The following STIM2 variants were observed in gnomAD, a reference collection of about 807,000 sequenced individuals.
The protein encoded by STIM2 is stromal interaction molecule 2.
Under a neutral mutation model 85.8 loss-of-function variants are expected in STIM2, and 31 were observed. That is an observed-to-expected ratio of 0.36 (90% CI 0.27 to 0.49). STIM2 has a LOEUF of 0.49. STIM2 is among the 20% of genes least tolerant of loss of function. The pLI is 0.98. For missense variants in STIM2, 841 were observed against 927.6 expected (o/e 0.91, Z 1.21); for synonymous variants, 356 against 331.1 (o/e 1.08, Z -0.82).
chr4:27,000,657 A>G (rs1728120171), intron 5 of STIM2, among the ~76,000 whole-genome samples: 3 of 152,354 alleles, frequency 2.0e-5, no homozygotes, highest in Non-Finnish European at 4.4e-5. Flanking sequence ...CTCAAAAAAG[A>G]TTGTAAACAA....
intron 3 of STIM2, among the ~76,000 whole-genome samples, chr4:26,992,378 A>C (rs1727798538): frequency 6.6e-6 from 1 of 151,996 alleles, no homozygotes; most frequent in Non-Finnish European, 1.5e-5. Context: ...ACAGATAAGT[A>C]GTTATAGTTA....
intron 3 of STIM2, among the ~76,000 whole-genome samples, chr4:26,983,064 G>C (rs1727457894): frequency 6.6e-6 from 1 of 152,164 alleles, no homozygotes; most frequent in Admixed American, 6.5e-5. Flanking sequence ...GATACTAGCT[G>C]CTGTTAACCT....
chr4:26,980,814 TA>T (rs1470201081), intron 3 of STIM2, among the ~76,000 whole-genome samples: 2 of 152,230 alleles, frequency 1.3e-5, no homozygotes, highest in Non-Finnish European at 2.9e-5. Context: ...TAAGTATTTT[TA>T]TAGTGCTTTA....
At chr4:27,010,584 A>G (rs1664188179) in intron 10 of STIM2, among the ~76,000 whole-genome samples, 1 of 152,186 alleles carries the variant, frequency 6.6e-6, no homozygotes, top group Admixed American at 6.5e-5. Context: ...ACAAAAGCCT[A>G]ATTTCTGGAC....
intron 3 of STIM2, among the ~76,000 whole-genome samples, chr4:26,971,003 A>G (rs1023102942): frequency 7.9e-5 from 12 of 152,248 alleles, no homozygotes; most frequent in African/African-American, 2.9e-4. Context: ...GTGATGATGA[A>G]CATTTTTTCA....
chr4:26,874,068 C>T, intron 1 of STIM2: 2 of 644,188 alleles, frequency 3.1e-6, no homozygotes, highest in Admixed American at 1.9e-5. Context: ...GGACTTGGCA[C>T]CTGAGGTACT....
intron 2 of STIM2, among the ~76,000 whole-genome samples, chr4:26,937,931 C>T (rs1007435204): frequency 2.0e-5 from 3 of 152,072 alleles, no homozygotes; most frequent in Non-Finnish European, 4.4e-5. Context: ...ACTAACATGA[C>T]GGAAACACTC....
chr4:26,939,972 T>G (rs1475625384), intron 2 of STIM2, among the ~76,000 whole-genome samples: 1 of 152,202 alleles, frequency 6.6e-6, no homozygotes, highest in Non-Finnish European at 1.5e-5. Flanking sequence ...CGTGGCATGC[T>G]CTTGTGATGC....
At chr4:26,948,986 G>C (rs1725947902) in intron 2 of STIM2, among the ~76,000 whole-genome samples, 1 of 152,124 alleles carries the variant, frequency 6.6e-6, no homozygotes, top group Non-Finnish European at 1.5e-5. Context: ...GCACACCCTA[G>C]TGAATTGACA....
At chr4:26,938,734 T>C (rs919403812) in intron 2 of STIM2, among the ~76,000 whole-genome samples, 3 of 152,172 alleles carry the variant, frequency 2.0e-5, no homozygotes, top group Non-Finnish European at 2.9e-5. Flanking sequence ...CACGTTATCT[T>C]CAGCAGTACT....
chr4:26,933,962 G>C (rs907893096), intron 2 of STIM2, among the ~76,000 whole-genome samples: 1 of 152,120 alleles, frequency 6.6e-6, no homozygotes, highest in Non-Finnish European at 1.5e-5. Context: ...GGGAGGCTGA[G>C]GGGAGAGGAT....
At chr4:26,991,032 A>G (rs1048170009) in intron 3 of STIM2, among the ~76,000 whole-genome samples, 1 of 152,114 alleles carries the variant, frequency 6.6e-6, no homozygotes, top group African/African-American at 2.4e-5. Flanking sequence ...AGGTTTCTCA[A>G]AAAAACTAAA....
chr4:26,884,176 A>G (rs533122330), intron 1 of STIM2, among the ~76,000 whole-genome samples: 3 of 152,348 alleles, frequency 2.0e-5, no homozygotes, highest in African/African-American at 7.2e-5. Flanking sequence ...TCCTGCAAAC[A>G]GTCCTGAGCC....
At chr4:26,968,170 C>A (rs1040494768) in intron 3 of STIM2, among the ~76,000 whole-genome samples, 1 of 151,648 alleles carries the variant, frequency 6.6e-6, no homozygotes, top group Admixed American at 6.6e-5. Flanking sequence ...GACCCTGTAT[C>A]CAAAAAAAAT....
chr4:26,953,751 A>G (rs1726141327), intron 2 of STIM2, among the ~76,000 whole-genome samples: 1 of 151,994 alleles, frequency 6.6e-6, no homozygotes, highest in South Asian at 2.1e-4. Context: ...CTCTTTCTGC[A>G]TATTTATTGG....
chr4:27,008,600 A>C, intron 9 of STIM2, 72 bp downstream of exon 9: 1 of 1,190,742 alleles, frequency 8.4e-7, no homozygotes. Context: ...TGAACAATTT[A>C]TATTTATCAT....
At chr4:27,013,406 G>A (rs1296038442) in intron 10 of STIM2, among the ~76,000 whole-genome samples, 3 of 151,988 alleles carry the variant, frequency 2.0e-5, no homozygotes, top group African/African-American at 7.2e-5. Flanking sequence ...AACATAGTGT[G>A]TATAGAGTTT....
intron 3 of STIM2, among the ~76,000 whole-genome samples, chr4:26,966,825 G>A (rs1726743610): frequency 6.6e-6 from 1 of 151,994 alleles, no homozygotes; most frequent in African/African-American, 2.4e-5. Context: ...TTCAATCTCT[G>A]GATGGTTACT....
intron 11 of STIM2, among the ~76,000 whole-genome samples, chr4:27,018,918 G>A (rs111810216): frequency 4.6e-5 from 7 of 152,332 alleles, no homozygotes; most frequent in African/African-American, 1.7e-4. Context: ...AGTATCATAT[G>A]CCAAAGGTTT....
Sources: allele counts gnomAD v4.1 joint callset (sites outside exome capture counted in the v4.1 genomes callset), GRCh38; gene constraint gnomAD v4.1.1; transcripts MANE v1.5; gene names NCBI Gene and HGNC (gene_info 2026-07-23, HGNC 2026-07-21).